XIRP2: variants seen among roughly 807,000 people sequenced by gnomAD.
XIRP2 encodes xin actin-binding repeat-containing protein 2.
A neutral mutation model predicts 277.0 loss-of-function variants in XIRP2; 236 were observed. The ratio of observed to expected loss-of-function variants is 0.85; its 90% CI spans 0.77 to 0.95. XIRP2 has a LOEUF of 0.95. Among genes scored for constraint, XIRP2 ranks in the 40% least tolerant of loss-of-function variants. The probability of loss-of-function intolerance (pLI) is 0.00; values close to 1 mark genes in which losing one functional copy is unlikely to be tolerated. For synonymous variants in XIRP2, 1,490 were observed against 1,416.5 expected, an observed-to-expected ratio of 1.05 and a Z score of -1.17; for missense variants, 4,640 against 4,157.5, an observed-to-expected ratio of 1.12 and a Z score of -3.19.
In XIRP2 at chr2:167,248,444, T is replaced by C; in HGVS notation, c.7052T>C (p.Val2351Ala). 3 of 1,613,674 alleles carry C rather than the reference T, an allele frequency of 1.9e-6. No homozygotes were observed. The highest frequency in any genetic ancestry group is 2.2e-5 in the East Asian group (1 of 44,840). The change falls in exon 9 of 11, where the codon GTA becomes GCA. Residue 2351 changes from valine to alanine, a missense_variant. Val to Ala is a moderately conservative substitution (Grantham distance 64, BLOSUM62 0). Transcript: ENST00000409195. ...GGCCTCCCTCTTCCTCCACCTCCAG[T>C]AGATGAGAAATCTGAAAGAGAAAGT... Reference protein sequence around the residue: ...FPGLPLPPPPVDEKSERESSS... With the variant: ...FPGLPLPPPPADEKSERESSS...
intron 3 of XIRP2, among the ~76,000 whole-genome samples, chr2:167,183,133 T>G (rs1418359220): frequency 1.3e-5 from 2 of 152,196 alleles, no homozygotes; most frequent in African/African-American, 2.4e-5. Flanking sequence ...AAGAGGGAAG[T>G]CTTTAGCAGT....
At chr2:167,098,259 T>C (rs372702206) in intron 2 of XIRP2, among the ~76,000 whole-genome samples, 1 of 152,226 alleles carries the variant, frequency 6.6e-6, no homozygotes, top group Non-Finnish European at 1.5e-5. Flanking sequence ...TTATTCTTTT[T>C]TCTCTAGTCT....
chr2:166,891,099 A>G (rs1684091201), intron 1 of XIRP2, among the ~76,000 whole-genome samples: 1 of 152,178 alleles, frequency 6.6e-6, no homozygotes, highest in Non-Finnish European at 1.5e-5. Context: ...TGAGATCAGT[A>G]AGTTAAAGAA....
intron 3 of XIRP2, among the ~76,000 whole-genome samples, chr2:167,204,463 G>A (rs56673639): frequency 0.098 from 14,947 of 152,166 alleles, 1,667 homozygotes; most frequent in African/African-American, 0.28. Context: ...AGAGCCTGGG[G>A]CCAGATTGCT....
chr2:167,037,202 C>T (rs147373458), intron 2 of XIRP2, among the ~76,000 whole-genome samples: 116 of 152,262 alleles, frequency 7.6e-4, no homozygotes, highest in African/African-American at 2.6e-3. Context: ...ATAGACCAAA[C>T]GCAGCTTATA....
At chr2:167,081,759 G>A (rs190092019) in intron 2 of XIRP2, among the ~76,000 whole-genome samples, 129 of 152,104 alleles carry the variant, frequency 8.5e-4, no homozygotes, top group African/African-American at 2.7e-3. Flanking sequence ...CACACAAGAA[G>A]GTGTAATTGG....
chr2:167,158,095 C>G (rs1039134672), intron 3 of XIRP2, among the ~76,000 whole-genome samples: 1 of 152,048 alleles, frequency 6.6e-6, no homozygotes, highest in Non-Finnish European at 1.5e-5. Context: ...TTAAAGATAA[C>G]AAAAGAAGAA....
chr2:167,108,865 C>A (rs1690676311), intron 2 of XIRP2, among the ~76,000 whole-genome samples: 1 of 151,308 alleles, frequency 6.6e-6, no homozygotes, highest in Middle Eastern at 3.2e-3. Flanking sequence ...GTCTTAGGTC[C>A]TTTTTTAATC....
At chr2:167,022,881 T>C (rs540051288) in intron 2 of XIRP2, among the ~76,000 whole-genome samples, 2 of 152,190 alleles carry the variant, frequency 1.3e-5, no homozygotes, top group East Asian at 3.9e-4. Flanking sequence ...TGGTTCCAAG[T>C]CTTTGCTATT....
At chr2:167,069,613 C>A (rs971789898) in intron 2 of XIRP2, among the ~76,000 whole-genome samples, 1 of 152,110 alleles carries the variant, frequency 6.6e-6, no homozygotes. Context: ...TGACCGTGTG[C>A]ATGAAGTCTC....
intron 2 of XIRP2, among the ~76,000 whole-genome samples, chr2:166,953,670 T>G (rs999605014): frequency 6.6e-6 from 1 of 151,948 alleles, no homozygotes; most frequent in African/African-American, 2.4e-5. Flanking sequence ...GAATGTTCCA[T>G]CAGTTATGAA....
At chr2:167,136,506 T>C (rs1691556824) in intron 3 of XIRP2, among the ~76,000 whole-genome samples, 1 of 152,182 alleles carries the variant, frequency 6.6e-6, no homozygotes, top group African/African-American at 2.4e-5. Flanking sequence ...AAACTAAACT[T>C]GCATAATGAA....
chr2:167,127,428 A>T (rs1691240239), intron 2 of XIRP2, among the ~76,000 whole-genome samples: 1 of 152,212 alleles, frequency 6.6e-6, no homozygotes, highest in African/African-American at 2.4e-5. Flanking sequence ...TCCAGCTTAC[A>T]GAAATGCTTC....
intron 3 of XIRP2, among the ~76,000 whole-genome samples, chr2:167,159,716 C>T (rs1692308126): frequency 6.6e-6 from 1 of 152,126 alleles, no homozygotes; most frequent in South Asian, 2.1e-4. Flanking sequence ...TCATATATTA[C>T]ACCATATATT....
intron 3 of XIRP2, among the ~76,000 whole-genome samples, chr2:167,141,320 T>C (rs1003836414): frequency 1.1e-4 from 16 of 152,168 alleles, no homozygotes; most frequent in African/African-American, 3.9e-4. Flanking sequence ...ATTGAGTGCC[T>C]ATTTGTGGCA....
chr2:167,065,500 A>C (rs1475240386), intron 2 of XIRP2, among the ~76,000 whole-genome samples: 1 of 151,448 alleles, frequency 6.6e-6, no homozygotes, highest in Admixed American at 6.6e-5. Context: ...TTGAAACACA[A>C]ACTTTTTTTT....
chr2:166,995,138 C>G (rs991819645), intron 2 of XIRP2, among the ~76,000 whole-genome samples: 1 of 152,122 alleles, frequency 6.6e-6, no homozygotes, highest in African/African-American at 2.4e-5. Context: ...CCTCGGCCTC[C>G]CAAAGTGCTG....
intron 1 of XIRP2, among the ~76,000 whole-genome samples, chr2:166,889,056 G>C (rs2105322302): frequency 6.6e-6 from 1 of 152,222 alleles, no homozygotes; most frequent in African/African-American, 2.4e-5. Context: ...TGAGCCTGCA[G>C]CTGACAGCCC....
At chr2:166,894,055 G>A (rs1332900585) in intron 1 of XIRP2, among the ~76,000 whole-genome samples, 1 of 152,102 alleles carries the variant, frequency 6.6e-6, no homozygotes, top group Non-Finnish European at 1.5e-5. Context: ...GGATTGGTAT[G>A]CTTGACAGGC....
Sources: gnomAD v4.1 joint callset for allele counts (sites outside exome capture counted in the v4.1 genomes callset) on GRCh38, gnomAD v4.1.1 for gene constraint, MANE v1.5 for transcripts, NCBI Gene and HGNC (gene_info 2026-07-23, HGNC 2026-07-21) for gene names.